SUGCT: variants seen among roughly 807,000 people sequenced by gnomAD.
The protein encoded by SUGCT is succinyl-CoA:glutarate CoA-transferase.
In SUGCT, 41 loss-of-function variants were observed where a neutral mutation model predicts 55.0. The ratio of observed to expected loss-of-function variants is 0.74; its 90% CI spans 0.58 to 0.97. The LOEUF is 0.97. Ranked by LOEUF, SUGCT falls within the 50% of genes least tolerant of loss-of-function variation. SUGCT has a pLI of 0.00. For synonymous variants in SUGCT, 187 were observed against 200.4 expected (o/e 0.93, Z 0.56); for missense variants, 568 against 547.8 (o/e 1.04, Z -0.37).
intron 11 of SUGCT, among the ~76,000 whole-genome samples, chr7:40,461,602 T>C (rs1789805942): frequency 6.6e-6 from 1 of 152,218 alleles, no homozygotes; most frequent in African/African-American, 2.4e-5. Context: ...TCCGTTGCCA[T>C]TGCCAAACAG....
At chr7:40,478,252 C>T (rs948308737) in intron 11 of SUGCT, among the ~76,000 whole-genome samples, 1 of 152,158 alleles carries the variant, frequency 6.6e-6, no homozygotes, top group Non-Finnish European at 1.5e-5. Context: ...GTGATCTTCC[C>T]TCCTCAGCCT....
rs75519139 is a variant in SUGCT, at chr7:40,459,374, T to C, written c.986+176T>C. Among the ~76,000 whole-genome samples, 1,254 of 152,286 alleles carry C rather than the reference T, an allele frequency of 8.2e-3. 50 individuals carry two copies. The highest frequency in any genetic ancestry group is 0.059 in the Admixed American group (906 of 15,284). On this transcript the variant is annotated intron_variant, in intron 11 of 13. Coordinates refer to ENST00000335693, the MANE Select transcript of SUGCT (RefSeq NM_001193313.2). ...TGTGGGGTTTTTTTGTTTGTTTGTTTAGAAGCACTTGAACACATTTTATGT... is the reference window on the plus strand; with the variant it reads ...TGTGGGGTTTTTTTGTTTGTTTGTTCAGAAGCACTTGAACACATTTTATGT...
intron 9 of SUGCT, 149 bp from the exon 10 acceptor site, chr7:40,449,138 A>G (rs909871769): frequency 3.4e-6 from 2 of 592,614 alleles, no homozygotes; most frequent in Non-Finnish European, 3.0e-6. Flanking sequence ...ATATATATGT[A>G]TACATATATG....
chr7:40,954,212 G>A, the SUGCT span, among the ~76,000 whole-genome samples: 1 of 152,230 alleles, frequency 6.6e-6, no homozygotes, highest in Admixed American at 6.5e-5. Context: ...TGCTGTGCTA[G>A]CAATGAGCGA....
intron 12 of SUGCT, among the ~76,000 whole-genome samples, chr7:40,542,683 AC>A (rs1794760585): frequency 6.6e-6 from 1 of 152,202 alleles, no homozygotes; most frequent in Admixed American, 6.5e-5. Flanking sequence ...ATTTATAAGC[AC>A]CCTTTTAACT....
At chr7:40,824,218 A>C (rs887341524) in intron 13 of SUGCT, among the ~76,000 whole-genome samples, 5 of 152,046 alleles carry the variant, frequency 3.3e-5, no homozygotes, top group Non-Finnish European at 5.9e-5. Context: ...CAAAAAAAAA[A>C]ACAAAAAACA....
chr7:40,223,698 G>C (rs575770437), intron 6 of SUGCT, among the ~76,000 whole-genome samples: 1 of 152,310 alleles, frequency 6.6e-6, no homozygotes. Flanking sequence ...ACTTTGGGCA[G>C]TTCAAAGGTT....
At chr7:40,320,995 G>A (rs929830436) in intron 9 of SUGCT, among the ~76,000 whole-genome samples, 1 of 151,230 alleles carries the variant, frequency 6.6e-6, no homozygotes, top group Non-Finnish European at 1.5e-5. Flanking sequence ...CTATGTCCAT[G>A]TTATTTAGCT....
At chr7:40,451,814 T>C (rs1463518397) in intron 10 of SUGCT, among the ~76,000 whole-genome samples, 1 of 152,230 alleles carries the variant, frequency 6.6e-6, no homozygotes, top group Non-Finnish European at 1.5e-5. Flanking sequence ...TTCCCAGTTA[T>C]GTGTAGCGTG....
intron 1 of SUGCT, among the ~76,000 whole-genome samples, chr7:40,161,895 G>T (rs964992976): frequency 6.6e-6 from 1 of 151,868 alleles, no homozygotes; most frequent in Admixed American, 6.6e-5. Context: ...AATTTGAGGT[G>T]ATTTTCTTTT....
intron 12 of SUGCT, among the ~76,000 whole-genome samples, chr7:40,671,640 A>T (rs1801945236): frequency 6.6e-6 from 1 of 152,186 alleles, no homozygotes; most frequent in Non-Finnish European, 1.5e-5. Context: ...AATGAAATAG[A>T]TGTAAACCTA....
intron 12 of SUGCT, among the ~76,000 whole-genome samples, chr7:40,673,708 T>A (rs994396043): frequency 2.0e-5 from 3 of 152,194 alleles, no homozygotes; most frequent in African/African-American, 7.2e-5. Flanking sequence ...TAGTCACCTA[T>A]CACTTAATAA....
intron 12 of SUGCT, among the ~76,000 whole-genome samples, chr7:40,537,922 A>G (rs1336169896): frequency 6.6e-6 from 1 of 152,186 alleles, no homozygotes; most frequent in African/African-American, 2.4e-5. Context: ...AATCATTGAG[A>G]ATCATTTCAG....
At chr7:40,625,739 A>T (rs1359333956) in intron 12 of SUGCT, among the ~76,000 whole-genome samples, 1 of 152,130 alleles carries the variant, frequency 6.6e-6, no homozygotes, top group Non-Finnish European at 1.5e-5. Flanking sequence ...CAACATTAAC[A>T]CAGTATAGCG....
At chr7:40,251,627 G>C (rs968940460) in intron 7 of SUGCT, among the ~76,000 whole-genome samples, 7 of 152,202 alleles carry the variant, frequency 4.6e-5, no homozygotes, top group Non-Finnish European at 8.8e-5. Context: ...AATCCTGGCA[G>C]CACCTTTGGT....
chr7:40,408,699 A>G (rs1378417824), intron 9 of SUGCT, among the ~76,000 whole-genome samples: 1 of 152,194 alleles, frequency 6.6e-6, no homozygotes, highest in Non-Finnish European at 1.5e-5. Flanking sequence ...ACGAAATGGA[A>G]GCATTCTCAT....
At chr7:40,753,274 A>G (rs1401566832) in intron 13 of SUGCT, among the ~76,000 whole-genome samples, 2 of 152,192 alleles carry the variant, frequency 1.3e-5, no homozygotes, top group Non-Finnish European at 2.9e-5. Context: ...TTCCCATTGG[A>G]GAACTCATAA....
At chr7:40,632,425 G>A (rs750987178) in intron 12 of SUGCT, among the ~76,000 whole-genome samples, 1 of 151,266 alleles carries the variant, frequency 6.6e-6, no homozygotes, top group African/African-American at 2.4e-5. Flanking sequence ...TGGTATTCAG[G>A]CATCTGTTCC....
In SUGCT at chr7:40,240,109, C is replaced by A. The variant is rs138756515; in HGVS notation, c.576+2383C>A. On this transcript the variant is annotated intron_variant, in intron 7 of 13. Transcript: ENST00000335693. ...GGGTGCTATGAACATATATAAATAA[C>A]AGTGTGCCTCAGGCCATTATTATGC... Among the ~76,000 whole-genome samples, 917 of 152,212 alleles carry A rather than the reference C, an allele frequency of 6.0e-3. 10 individuals are homozygous for A. The highest frequency in any genetic ancestry group is 0.021 in the African/African-American group (868 of 41,534).
Sources: allele counts gnomAD v4.1 joint callset (sites outside exome capture counted in the v4.1 genomes callset), GRCh38; gene constraint gnomAD v4.1.1; transcripts MANE v1.5; gene names NCBI Gene and HGNC (gene_info 2026-07-23, HGNC 2026-07-21).